Variants in SIRT6 observed in about 807,000 individuals in gnomAD.
SIRT6 encodes NAD-dependent protein deacylase sirtuin-6.
Under a neutral mutation model 33.6 loss-of-function variants are expected in SIRT6, and 21 were observed. The ratio of observed to expected loss-of-function variants is 0.62; its 90% CI spans 0.44 to 0.90. The LOEUF (loss-of-function observed/expected upper bound fraction) is 0.90, where lower values mean the gene tolerates loss of function less well. SIRT6 is among the 40% of genes least tolerant of loss of function. SIRT6 has a pLI of 0.00. For missense variants in SIRT6, 504 were observed against 510.6 expected (o/e 0.99, Z 0.12); for synonymous variants, 221 against 223.9 (o/e 0.99, Z 0.12).
At position 4,175,204 on chromosome 19, in the gene SIRT6, C is replaced by T. The variant is rs1249607571; in HGVS notation, c.615-53G>A. The T allele has an allele frequency of 1.2e-5, 19 of 1,551,198 alleles. No individual in the cohort carries two copies. The East Asian group carries it at 2.3e-4, about 19-fold the overall frequency. ...TGATGCCCTGCTCCTGCCAACATCC[C>T]GAGCCAGCCCTGGGGGCCGGTTCAC... is the stretch of plus-strand genomic sequence containing the variant. On this transcript the variant is annotated intron_variant, in intron 6 of 7. Transcript: ENST00000337491.
rs375232383 is a variant in SIRT6, at chr19:4,174,769, G to C, written c.916C>G (p.Arg306Gly). 3.1e-5 allele frequency: 47 copies of C among 1,496,798 alleles called. No homozygotes were observed. Among genetic ancestry groups the C allele is most frequent in the Non-Finnish European group, 4.0e-5 (45 of 1,125,416 alleles). 92.7% of individuals were successfully genotyped at this position (1,496,798 alleles called of 1,614,324 possible). A position where few individuals can be genotyped will look rare whatever the true frequency, so the allele number is the denominator to read the frequency against. Residue 306 changes from arginine (R) to glycine (G), a missense_variant, in exon 8 of 8, where the codon CGG becomes GGG. Physicochemically the swap from Arg to Gly is moderately radical, Grantham distance 125 (BLOSUM62 -2). Transcript: ENST00000337491. The surrounding 1 kb of genome is among the most constrained non-coding windows in gnomAD (Gnocchi z 4.2). The stretch of plus-strand genomic sequence containing the variant: ...CCGGCGGGGATAGAGCCGTTGATCC[G>C]GGTGGGAGATTCCTCCTTGGGCTCC... ...KLEPKEESPT[R>G]INGSIPAGPK...
intron 3 of SIRT6, 78 bp from the exon 4 acceptor site, chr19:4,177,216 C>G (rs761727274): frequency 3.7e-5 from 53 of 1,439,594 alleles, no homozygotes; most frequent in Admixed American, 3.2e-4. Flanking sequence ...GTGCTAAGCC[C>G]CTCTCCTCCA....
At chr19:4,179,652 A>T (rs1478790762) in intron 2 of SIRT6, 2 of 254,442 alleles carry the variant, frequency 7.9e-6, no homozygotes, top group Admixed American at 5.0e-5. Context: ...CGATGCTCAC[A>T]TGGGCCCAAG....
At chr19:4,177,618 T>C (rs1381991960) in intron 3 of SIRT6, among the ~76,000 whole-genome samples, 5 of 152,118 alleles carry the variant, frequency 3.3e-5, no homozygotes, top group Non-Finnish European at 5.9e-5. Flanking sequence ...TGGAGTGCAA[T>C]GGTGCAATCT....
Position 4,179,173 on chromosome 19 carries a change from C to T in SIRT6, c.308G>A (p.Arg103His), listed in dbSNP as rs559817229. 1.1e-5 allele frequency: 18 copies of T among 1,612,150 alleles called. No homozygotes were observed. The highest frequency in any genetic ancestry group is 5.0e-5 in the Admixed American group (3 of 59,790). Reference protein sequence around the residue: ...QTHMALVQLERVGLLRFLVSQ... With the variant: ...QTHMALVQLEHVGLLRFLVSQ... The stretch of plus-strand genomic sequence containing the variant: ...GACCAGGAAGCGGAGGAGGCCCACG[C>T]GCTCCAGCTGCACCAGCGCCATGTG... Residue 103 changes from arginine (R) to histidine (H), a missense_variant, in exon 3 of 8, where the codon CGC (arginine) becomes CAC (histidine). Arg to His is a conservative substitution (Grantham distance 29). Transcript: ENST00000337491.
At chr19:4,177,257 A>C in intron 3 of SIRT6, 119 bp from the exon 4 acceptor site, 1 of 808,104 alleles carries the variant, frequency 1.2e-6, no homozygotes, top group Admixed American at 2.2e-5. Context: ...CTCCCACAAC[A>C]TTGATCAACT....
At chr19:4,180,654 G>T in intron 2 of SIRT6, 128 bp downstream of exon 2, 2 of 1,238,712 alleles carry the variant, frequency 1.6e-6, no homozygotes, top group South Asian at 3.3e-5. Flanking sequence ...ATCTTAAAGG[G>T]AGTACCCAGG....
At chr19:4,177,030 C>T (rs753850563) in intron 4 of SIRT6, 49 bp downstream of exon 4, 1 of 1,559,074 alleles carries the variant, frequency 6.4e-7, no homozygotes, top group East Asian at 2.3e-5. Flanking sequence ...GATTCGACCC[C>T]CAACCCCCTC....
chr19:4,179,323 G>T, intron 2 of SIRT6, 37 bp from the exon 3 acceptor site: 2 of 1,541,726 alleles, frequency 1.3e-6, no homozygotes, highest in Middle Eastern at 1.7e-4. Context: ...GACGGGGAGA[G>T]GGGAACAGAA....
At chr19:4,179,420 G>C in intron 2 of SIRT6, 134 bp from the exon 3 acceptor site, 1 of 967,920 alleles carries the variant, frequency 1.0e-6, no homozygotes, top group Non-Finnish European at 1.5e-6. Context: ...GGGAGACAGA[G>C]AGAGGGAATC....
chr19:4,178,383 C>G (rs918520215), intron 3 of SIRT6, among the ~76,000 whole-genome samples: 1 of 152,112 alleles, frequency 6.6e-6, no homozygotes, highest in Admixed American at 6.5e-5. Context: ...CCCTGGCTGC[C>G]GAGCTCCTCG....
At chr19:4,178,490 G>A (rs1021666553) in intron 3 of SIRT6, among the ~76,000 whole-genome samples, 24 of 152,168 alleles carry the variant, frequency 1.6e-4, no homozygotes, top group Middle Eastern at 3.2e-3. Context: ...AAATCAGCCT[G>A]CCCCAGAGCA....
intron 3 of SIRT6, among the ~76,000 whole-genome samples, chr19:4,177,646 A>C (rs1408153500): frequency 6.6e-6 from 1 of 152,118 alleles, no homozygotes; most frequent in Non-Finnish European, 1.5e-5. Context: ...CCACAACCTC[A>C]ATGGCACAAT....
chr19:4,176,028 G>T, intron 4 of SIRT6, 91 bp from the exon 5 acceptor site: 1 of 1,153,668 alleles, frequency 8.7e-7, no homozygotes, highest in Non-Finnish European at 1.2e-6. Context: ...TCCCAGGGAG[G>T]TGGGGGGTGG....
chr19:4,177,425 C>A (rs924705599), intron 3 of SIRT6, among the ~76,000 whole-genome samples: 22 of 152,082 alleles, frequency 1.4e-4, no homozygotes, highest in African/African-American at 5.1e-4. Flanking sequence ...AAATGCCCGT[C>A]CCCCTCCGAG....
chr19:4,179,640 G>T (rs557131740), intron 2 of SIRT6: 13 of 277,120 alleles, frequency 4.7e-5, no homozygotes, highest in Non-Finnish European at 6.2e-5. Flanking sequence ...CAATGAGCCC[G>T]ACGATGCTCA....
At chr19:4,175,435 C>T (rs1459470397) in intron 6 of SIRT6, 4 of 624,016 alleles carry the variant, frequency 6.4e-6, no homozygotes, top group Non-Finnish European at 1.1e-5. Context: ...CCCGGCTGGG[C>T]AGCACTGGAT....
At chr19:4,178,151 C>G (rs186575318) in intron 3 of SIRT6, among the ~76,000 whole-genome samples, 7 of 151,308 alleles carry the variant, frequency 4.6e-5, no homozygotes, top group African/African-American at 9.7e-5. Flanking sequence ...CTCAGCCTCC[C>G]GAGTAGCTGG....
intron 6 of SIRT6, 131 bp downstream of exon 6, chr19:4,175,549 C>T: frequency 1.1e-6 from 1 of 882,396 alleles, no homozygotes; most frequent in Non-Finnish European, 1.7e-6. Flanking sequence ...CCTGGCCTGG[C>T]CCACCTGCTC....
Sources: allele counts gnomAD v4.1 joint callset (sites outside exome capture counted in the v4.1 genomes callset), GRCh38; gene constraint gnomAD v4.1.1; non-coding constraint Gnocchi (gnomAD v3.1); transcripts MANE v1.5; gene names NCBI Gene and HGNC (gene_info 2026-07-23, HGNC 2026-07-21).